The following CLPTM1L variants were observed in gnomAD, a reference collection of about 807,000 sequenced individuals.
The protein encoded by CLPTM1L is lipid scramblase CLPTM1L.
CLPTM1L carries 38 observed loss-of-function variants against 70.9 expected under a neutral mutation model. That is an observed-to-expected ratio of 0.54 (90% confidence interval 0.41 to 0.70). CLPTM1L has a LOEUF of 0.70. Among genes scored for constraint, CLPTM1L ranks in the 30% least tolerant of loss-of-function variants. CLPTM1L has a pLI of 0.00. For synonymous variants in CLPTM1L, 339 were observed against 299.9 expected (o/e 1.13, Z -1.35); for missense variants, 652 against 705.9 (o/e 0.92, Z 0.87).
rs781406875 is a variant in CLPTM1L at position 1,333,898 on chromosome 5, G to A, written c.891+391C>T. 4.6e-5 allele frequency among the ~76,000 whole-genome samples: 7 copies of A among 152,218 alleles called. No individual in the cohort carries two copies. In the East Asian group the frequency reaches 1.4e-3, roughly 29 times the overall value. On this transcript the variant is annotated intron_variant, in intron 7 of 16. Transcript: ENST00000320895. ...ACAAGAGAACTACTTTCTGCTAGAGGCTGCCCAGCTCCGCCCCTGGCTCTG... is the reference window on the plus strand; with the variant it reads ...ACAAGAGAACTACTTTCTGCTAGAGACTGCCCAGCTCCGCCCCTGGCTCTG...
At chr5:1,322,393 G>A (rs1276117472) in intron 13 of CLPTM1L, among the ~76,000 whole-genome samples, 2 of 152,346 alleles carry the variant, frequency 1.3e-5, no homozygotes, top group African/African-American at 4.8e-5. Context: ...GGGCCCTGCA[G>A]GGTCCCCACA....
intron 11 of CLPTM1L, 33 bp from the exon 12 acceptor site, chr5:1,323,902 G>T (rs778395654): frequency 5.3e-6 from 8 of 1,514,136 alleles, no homozygotes; most frequent in African/African-American, 1.4e-5. Context: ...CCAGTTAGAG[G>T]CCCAAACGCC....
intron 13 of CLPTM1L, among the ~76,000 whole-genome samples, chr5:1,322,305 G>A (rs1247758794): frequency 6.6e-6 from 1 of 152,196 alleles, no homozygotes; most frequent in Non-Finnish European, 1.5e-5. Flanking sequence ...GGGGCTGGGG[G>A]ATGGACACAG....
Position 1,342,299 on chromosome 5 carries a change from G to A in CLPTM1L, c.264-439C>T, listed in dbSNP as rs1212553456. ...CAGCCACGAGGGCTCCAGGTGCCTC[G>A]GCCCACACTACTGGAACCTCAGAAA... On this transcript the variant is annotated intron_variant, in intron 2 of 16. Coordinates refer to ENST00000320895, the MANE Select transcript of CLPTM1L (RefSeq NM_030782.5). This position sits in a 1 kb window ranked among gnomAD's most constrained non-coding sequence, Gnocchi z 4.3. Among the ~76,000 whole-genome samples, 4 of 152,126 alleles carry A rather than the reference G, an allele frequency of 2.6e-5. No individual in the cohort carries two copies. The highest frequency in any genetic ancestry group is 2.1e-4 in the South Asian group (1 of 4,822).
chr5:1,321,560 T>C, intron 15 of CLPTM1L, 75 bp downstream of exon 15: 1 of 1,304,404 alleles, frequency 7.7e-7, no homozygotes, highest in Non-Finnish European at 1.1e-6. Flanking sequence ...GCCCCAGTAA[T>C]GCTGTTGGCT....
In CLPTM1L at chr5:1,318,143, C is replaced by A. The variant is rs931270605; in HGVS notation, c.*226G>T. The stretch of plus-strand genomic sequence containing the variant: ...GGGAGCCACCACAGCTCAAGGTGAC[C>A]GGCAGCACCCAGCTCTGTGACCAAG... On this transcript the variant is annotated 3_prime_UTR_variant, in exon 17 of 17. Coordinates refer to ENST00000320895, the MANE Select transcript of CLPTM1L (RefSeq NM_030782.5). The surrounding 1 kb of genome is among the most constrained non-coding windows in gnomAD (Gnocchi z 8.9). 2 of 543,068 alleles carry A rather than the reference C, an allele frequency of 3.7e-6. No individual in the cohort carries two copies. Among genetic ancestry groups the A allele is most frequent in the Non-Finnish European group, 6.5e-6 (2 of 308,482 alleles). The allele number at this position is 543,068 out of a possible 1,614,324, so 33.6% of individuals were successfully genotyped here. A position where few individuals can be genotyped will look rare whatever the true frequency, so the allele number is the denominator to read the frequency against.
At chr5:1,321,894 A>C in intron 13 of CLPTM1L, 75 bp from the exon 14 acceptor site, 1 of 1,413,068 alleles carries the variant, frequency 7.1e-7, no homozygotes, top group Non-Finnish European at 9.8e-7. Context: ...GGCACTCACG[A>C]GGTGTGGAGG....
chr5:1,332,599 G>C (rs1343074990), intron 7 of CLPTM1L, among the ~76,000 whole-genome samples: 1 of 152,168 alleles, frequency 6.6e-6, no homozygotes, highest in Admixed American at 6.5e-5. Flanking sequence ...TCAGCTCCAC[G>C]AACAACAGTA....
intron 13 of CLPTM1L, among the ~76,000 whole-genome samples, chr5:1,322,255 C>A (rs1199475583): frequency 2.0e-5 from 3 of 152,318 alleles, no homozygotes; most frequent in Middle Eastern, 3.4e-3. Flanking sequence ...GGGACCACTT[C>A]CCAAAGAGAC....
At chr5:1,323,570 G>C (rs941013225) in intron 12 of CLPTM1L, among the ~76,000 whole-genome samples, 8 of 152,226 alleles carry the variant, frequency 5.3e-5, no homozygotes, top group African/African-American at 1.7e-4. Flanking sequence ...CATGAAGCCT[G>C]GTGGCTGGAG....
chr5:1,341,592 G>T, intron 3 of CLPTM1L, 79 bp downstream of exon 3: 1 of 1,276,562 alleles, frequency 7.8e-7, no homozygotes, highest in Non-Finnish European at 1.1e-6. Context: ...CCTAGACATC[G>T]CCCACCTGTG....
chr5:1,328,486 GCTC>G (rs1752800432), intron 9 of CLPTM1L, among the ~76,000 whole-genome samples: 1 of 147,444 alleles, frequency 6.8e-6, no homozygotes, highest in Non-Finnish European at 1.5e-5. Context: ...ATTCCATCCA[GCTC>G]CTCCTCTACA....
In CLPTM1L at chr5:1,318,094, C is replaced by A. The variant is rs1433012749; in HGVS notation, c.*275G>T. The A allele has an allele frequency of 8.5e-6, 4 of 469,992 alleles. No homozygotes were observed. The highest frequency in any genetic ancestry group is 1.5e-5 in the Non-Finnish European group (4 of 266,504). The allele number at this position is 469,992 out of a possible 1,614,324, so 29.1% of individuals were successfully genotyped here. A position where few individuals can be genotyped will look rare whatever the true frequency, so the allele number is the denominator to read the frequency against. ...CACCCCTGCCCGCGTGAGGACATGG[C>A]CGAACCCCGGACACTCGTGTGCCGG... On this transcript the variant is annotated 3_prime_UTR_variant, in exon 17 of 17. Coordinates refer to ENST00000320895, the MANE Select transcript of CLPTM1L (RefSeq NM_030782.5). The surrounding 1 kb of genome is among the most constrained non-coding windows in gnomAD (Gnocchi z 8.9).
At chr5:1,323,496 C>T (rs1752308904) in intron 12 of CLPTM1L, among the ~76,000 whole-genome samples, 1 of 152,008 alleles carries the variant, frequency 6.6e-6, no homozygotes, top group South Asian at 2.1e-4. Context: ...TCAGGGCCAG[C>T]ACCCCACACG....
At chr5:1,334,246 GC>G (rs751304652) in intron 7 of CLPTM1L, 42 bp downstream of exon 7, 64 of 1,476,322 alleles carry the variant, frequency 4.3e-5, no homozygotes, top group Non-Finnish European at 6.0e-5. Context: ...GGCCCAGGGA[GC>G]CCCCCAAGTG....
Position 1,323,828 on chromosome 5 carries a change from G to C in CLPTM1L, c.1239C>G (p.Val413=). The C allele has an allele frequency of 6.2e-7, 1 of 1,613,788 alleles. No homozygotes were observed. Among genetic ancestry groups the C allele is most frequent in the Non-Finnish European group, 8.5e-7 (1 of 1,179,926 alleles). The stretch of plus-strand genomic sequence containing the variant: ...TCAGGAGTGAATAGACAGCACCCCC[G>C]ACACAGAGAGGGTACAGCAGGTATG... ...YLSYLLYPLC[V]GGAVYSLLNI... The change falls in exon 12 of 17, where the codon GTC becomes GTG. Residue 413 remains valine, a synonymous_variant. Transcript: ENST00000320895.
At position 1,334,166 on chromosome 5, in the gene CLPTM1L, G is replaced by C. The variant is rs971785908; in HGVS notation, c.891+123C>G. 6 of 644,632 alleles carry C rather than the reference G, an allele frequency of 9.3e-6. No individual in the cohort carries two copies. The African/African-American group carries it at 1.1e-4, about 12-fold the overall frequency. 39.9% of individuals were successfully genotyped at this position (644,632 alleles called of 1,614,324 possible). ...TGCTGGCTGCTGAGTGATGGGAGTG[G>C]ACACTTGAGGGCCACAGGGCTGGAC... On this transcript the variant is annotated intron_variant, in intron 7 of 16. Coordinates refer to ENST00000320895, the MANE Select transcript of CLPTM1L (RefSeq NM_030782.5).
intron 5 of CLPTM1L, 81 bp from the exon 6 acceptor site, chr5:1,335,255 T>C (rs1753498437): frequency 2.7e-6 from 3 of 1,106,186 alleles, no homozygotes; most frequent in East Asian, 2.4e-5. Flanking sequence ...AACCCTGCCA[T>C]CCCCCTTCCC....
chr5:1,322,077 C>T (rs991512312), intron 13 of CLPTM1L, among the ~76,000 whole-genome samples: 14 of 152,208 alleles, frequency 9.2e-5, no homozygotes, highest in African/African-American at 2.7e-4. Flanking sequence ...CTGCTGCCCA[C>T]GGGGTCAAGT....
Sources: gnomAD v4.1 joint callset for allele counts (sites outside exome capture counted in the v4.1 genomes callset) on GRCh38, gnomAD v4.1.1 for gene constraint, Gnocchi (gnomAD v3.1) non-coding constraint, MANE v1.5 for transcripts, NCBI Gene and HGNC (gene_info 2026-07-23, HGNC 2026-07-21) for gene names.